The following ADAMTS20 variants were observed in gnomAD, a reference collection of about 807,000 sequenced individuals.
ADAMTS20 encodes A disintegrin and metalloproteinase with thrombospondin motifs 20.
A neutral mutation model predicts 260.1 loss-of-function variants in ADAMTS20; 225 were observed. The ratio of observed to expected loss-of-function variants is 0.87; its 90% CI spans 0.78 to 0.97. The LOEUF is 0.97. Among genes scored for constraint, ADAMTS20 ranks in the 50% least tolerant of loss-of-function variants. The pLI, the probability that ADAMTS20 is intolerant of heterozygous loss-of-function variation, is 0.00. For synonymous variants in ADAMTS20, 802 were observed against 769.5 expected (o/e 1.04, Z -0.70); for missense variants, 2,400 against 2,337.7 (o/e 1.03, Z -0.55).
At chr12:43,384,619 C>T (rs984994792) in intron 29 of ADAMTS20, among the ~76,000 whole-genome samples, 3 of 152,102 alleles carry the variant, frequency 2.0e-5, no homozygotes, top group Non-Finnish European at 2.9e-5. Context: ...CAAACCCCCT[C>T]GACAGGCCCC....
intron 7 of ADAMTS20, among the ~76,000 whole-genome samples, chr12:43,483,431 G>T (rs766846912): frequency 2.6e-5 from 4 of 152,108 alleles, no homozygotes; most frequent in Non-Finnish European, 5.9e-5. Context: ...AGGCAGCCCT[G>T]GTGCTCATGA....
At chr12:43,429,380 C>T (rs999795822) in intron 24 of ADAMTS20, among the ~76,000 whole-genome samples, 1 of 152,148 alleles carries the variant, frequency 6.6e-6, no homozygotes, top group Non-Finnish European at 1.5e-5. Context: ...TTAGTATTCC[C>T]ATTTTGAAGA....
chr12:43,538,156 T>C (rs1943323231), intron 2 of ADAMTS20, among the ~76,000 whole-genome samples: 1 of 152,242 alleles, frequency 6.6e-6, no homozygotes, highest in African/African-American at 2.4e-5. Flanking sequence ...TGTTCCCTTT[T>C]TGACACATTC....
In ADAMTS20 at chr12:43,460,964, TTATATA is replaced by T. The variant is rs1162338659; in HGVS notation, c.1614+1925_1614+1930del. Among the ~76,000 whole-genome samples, 96 of 58,024 alleles carry T rather than the reference TTATATA, an allele frequency of 1.7e-3. 8 individuals are homozygous for T. Among genetic ancestry groups the T allele is most frequent in the African/African-American group, 5.7e-3 (85 of 14,974 alleles). 38.1% of individuals were successfully genotyped at this position (58,024 alleles called of 152,430 possible). On this transcript the variant is annotated intron_variant, in intron 11 of 38. Transcript: ENST00000389420. ...TGCCTAGATAAGAGGCACAACTAAA[TTATATA>T]TATATATATATATATATATTTTTTT...
At chr12:43,394,710 A>G (rs1425658290) in intron 29 of ADAMTS20, among the ~76,000 whole-genome samples, 1 of 152,090 alleles carries the variant, frequency 6.6e-6, no homozygotes, top group Non-Finnish European at 1.5e-5. Context: ...CTAAGGAAAT[A>G]TAAGGATGAG....
rs746556102 is a variant in ADAMTS20 at position 43,428,325 on chromosome 12, T to A, written c.3861A>T (p.Leu1287Phe). The A allele has an allele frequency of 4.3e-6, 7 of 1,613,860 alleles. No individual in the cohort carries two copies. The highest frequency in any genetic ancestry group is 5.1e-6 in the Non-Finnish European group (6 of 1,179,892). The change falls in exon 26 of 39, where the codon TTA becomes TTT. Residue 1287 changes from leucine (L) to phenylalanine (F), a missense_variant. By Grantham distance (22) the Leu-to-Phe change is conservative. Transcript: ENST00000389420. ...TTTCATTATCTTCAAGTTTTTGAGTTAATGGCAAATTCGTGCTTAGATAAT... is the reference window on the plus strand; with the variant it reads ...TTTCATTATCTTCAAGTTTTTGAGTAAATGGCAAATTCGTGCTTAGATAAT... ...PSYYLSTNLP[L>F]TQKLEDNENQ...
intron 3 of ADAMTS20, among the ~76,000 whole-genome samples, chr12:43,531,099 T>C (rs180871108): frequency 6.6e-6 from 1 of 152,098 alleles, no homozygotes; most frequent in East Asian, 1.9e-4. Context: ...AAAATTGATA[T>C]ATGAACTGTG....
rs1941216067 is a variant in ADAMTS20, at chr12:43,420,812, T to TTTTTTTTTTTTTTG, written c.4284+4688_4284+4701dup. On this transcript the variant is annotated intron_variant, in intron 28 of 38. Transcript: ENST00000389420. Reference sequence around the variant, plus strand: ...CCTCCTCCTCCTTCTTTTTTTTTTTTTTTTTTTTTTTTTGAGATGGGGTCT... The same window carrying TTTTTTTTTTTTTTG: ...CCTCCTCCTCCTTCTTTTTTTTTTTTTTTTTTTTTTTTTGTTTTTTTTTTTTTGAGATGGGGTCT... Among the ~76,000 whole-genome samples, 2 of 127,498 alleles carry TTTTTTTTTTTTTTG rather than the reference T, an allele frequency of 1.6e-5. 1 individual carries two copies. Among genetic ancestry groups the TTTTTTTTTTTTTTG allele is most frequent in the Non-Finnish European group, 3.3e-5 (2 of 61,182 alleles). 83.6% of individuals were successfully genotyped at this position (127,498 alleles called of 152,430 possible).
chr12:43,526,867 A>G (rs548689842), intron 3 of ADAMTS20, among the ~76,000 whole-genome samples: 1 of 152,294 alleles, frequency 6.6e-6, no homozygotes, highest in Admixed American at 6.5e-5. Flanking sequence ...TGAAACCACA[A>G]AAACAATACA....
intron 37 of ADAMTS20, among the ~76,000 whole-genome samples, chr12:43,366,048 T>C (rs1939979382): frequency 6.6e-6 from 1 of 151,844 alleles, no homozygotes; most frequent in Non-Finnish European, 1.5e-5. Context: ...ATAGCGATAG[T>C]GATGTTAAAA....
At chr12:43,488,007 A>G (rs984410792) in intron 7 of ADAMTS20, among the ~76,000 whole-genome samples, 6 of 152,162 alleles carry the variant, frequency 3.9e-5, no homozygotes, top group Admixed American at 3.3e-4. Context: ...TTATTCAAAT[A>G]AAAAAGGATT....
chr12:43,423,875 TC>T, intron 28 of ADAMTS20: 1 of 728,176 alleles, frequency 1.4e-6, no homozygotes, highest in South Asian at 1.4e-5. Flanking sequence ...TTTCATTAGT[TC>T]CCACAAGATG....
At chr12:43,379,312 T>G (rs548367101) in intron 31 of ADAMTS20, among the ~76,000 whole-genome samples, 9 of 152,130 alleles carry the variant, frequency 5.9e-5, no homozygotes, top group Non-Finnish European at 2.9e-5. Context: ...TAAAAAGGCT[T>G]AAAAGGAAAA....
In ADAMTS20 at chr12:43,552,004, C is replaced by T. The variant is rs1364026576; in HGVS notation, c.-83G>A. ...CGGCTTCCCTCGCGCTCCGATCCCTCTCCTCCCTCTCGCCCGCCGCTCTCC... is the reference window on the plus strand; with the variant it reads ...CGGCTTCCCTCGCGCTCCGATCCCTTTCCTCCCTCTCGCCCGCCGCTCTCC... On this transcript the variant is annotated 5_prime_UTR_variant, in exon 1 of 39. Coordinates refer to ENST00000389420, the MANE Select transcript of ADAMTS20 (RefSeq NM_025003.5). 3.5e-6 allele frequency: 4 copies of T among 1,138,586 alleles called. No individual in the cohort carries two copies. In the African/African-American group the frequency reaches 6.1e-5, roughly 17 times the overall value. 70.5% of individuals were successfully genotyped at this position (1,138,586 alleles called of 1,614,324 possible).
At chr12:43,427,538 A>C in intron 26 of ADAMTS20, 69 bp from the exon 27 acceptor site, 1 of 1,435,058 alleles carries the variant, frequency 7.0e-7, no homozygotes, top group African/African-American at 1.4e-5. Flanking sequence ...ATGGTAAAAA[A>C]AAAAAATCAG....
intron 29 of ADAMTS20, among the ~76,000 whole-genome samples, chr12:43,393,222 T>C (rs956621003): frequency 6.6e-6 from 1 of 152,096 alleles, no homozygotes; most frequent in Non-Finnish European, 1.5e-5. Flanking sequence ...ATGTATCCAT[T>C]ATTTTAACAG....
chr12:43,379,257 A>G (rs532014644), intron 31 of ADAMTS20, among the ~76,000 whole-genome samples: 2 of 152,316 alleles, frequency 1.3e-5, no homozygotes, highest in African/African-American at 4.8e-5. Context: ...TTAACTTTGC[A>G]GTTTCCAGGA....
In ADAMTS20 at chr12:43,502,154, T is replaced by A; in HGVS notation, c.865A>T (p.Ile289Phe). 6.4e-7 allele frequency: 1 copy of A among 1,551,644 alleles called. No homozygotes were observed. The highest frequency in any genetic ancestry group is 8.6e-7 in the Non-Finnish European group (1 of 1,158,190). ...LQNYILTLMS[I>F]VATIYKDPSI... ...AAAGTCATATTAAGTTTACTTACAATTGACATTAGAGTCAGTATATAGTTT... is the reference window on the plus strand; with the variant it reads ...AAAGTCATATTAAGTTTACTTACAAATGACATTAGAGTCAGTATATAGTTT... Residue 289 changes from isoleucine to phenylalanine, a missense_variant and splice_region_variant, in exon 4 of 39, where the codon ATT becomes TTT. Coordinates refer to ENST00000389420, the MANE Select transcript of ADAMTS20 (RefSeq NM_025003.5).
Position 43,493,304 on chromosome 12 carries a change from T to C in ADAMTS20, c.868-51A>G, listed in dbSNP as rs960613909. ...AGTTGTTTAAAATGAATATTTCTTC[T>C]CAAAAGTAAGTTGAAATAGTCACAG... On this transcript the variant is annotated intron_variant, in intron 4 of 38. Coordinates refer to ENST00000389420, the MANE Select transcript of ADAMTS20 (RefSeq NM_025003.5). 3 of 1,313,124 alleles carry C rather than the reference T, an allele frequency of 2.3e-6. No individual in the cohort carries two copies. The African/African-American group carries it at 4.5e-5, about 20-fold the overall frequency. 81.3% of individuals were successfully genotyped at this position (1,313,124 alleles called of 1,614,324 possible). A position where few individuals can be genotyped will look rare whatever the true frequency, so the allele number is the denominator to read the frequency against.
Sources: allele counts gnomAD v4.1 joint callset (sites outside exome capture counted in the v4.1 genomes callset), GRCh38; gene constraint gnomAD v4.1.1; transcripts MANE v1.5; gene names NCBI Gene and HGNC (gene_info 2026-07-23, HGNC 2026-07-21).